Variants in INA observed in about 807,000 individuals in gnomAD.
The protein encoded by INA is internexin neuronal intermediate filament protein alpha.
Under a neutral mutation model 40.1 loss-of-function variants are expected in INA, and 35 were observed. The ratio of observed to expected loss-of-function variants is 0.87; its 90% confidence interval spans 0.67 to 1.16. The LOEUF (loss-of-function observed/expected upper bound fraction) is 1.16. Among genes scored for constraint, INA ranks in the 50% most tolerant of loss-of-function variants. The probability of loss-of-function intolerance (pLI) is 0.00; values close to 1 mark genes in which losing one functional copy is unlikely to be tolerated. For missense variants in INA, 594 were observed against 686.7 expected (o/e 0.87, Z 1.51); for synonymous variants, 290 against 316.9 (o/e 0.92, Z 0.90).
Position 103,277,654 on chromosome 10 carries a change from G to A in INA, c.443G>A (p.Arg148His). 1 of 1,390,964 alleles carries A rather than the reference G, an allele frequency of 7.2e-7. No individual in the cohort carries two copies. Among genetic ancestry groups the A allele is most frequent in the South Asian group, 1.6e-5 (1 of 62,524 alleles). The allele number at this position is 1,390,964 out of a possible 1,614,324, so 86.2% of individuals were successfully genotyped here. ...RVGELFQREL[R>H]DLRAQLEEAS... ...GGCGAGCTCTTCCAGCGCGAGCTGC[G>A]CGACCTGCGCGCGCAGCTGGAGGAG... The change falls in exon 1 of 3, where the codon CGC (arginine) becomes CAC (histidine). Residue 148 changes from arginine (R) to histidine (H), a missense_variant. Around this residue, in one of 2 missense-constraint regions of INA, gnomAD observed 379 missense variants for 496.1 expected, o/e 0.76. Transcript: ENST00000369849. This position sits in a 1 kb window ranked among gnomAD's most constrained non-coding sequence, Gnocchi z 5.6.
At chr10:103,285,250 C>T (rs145147493) in intron 1 of INA, among the ~76,000 whole-genome samples, 2,046 of 151,900 alleles carry the variant, frequency 0.013, 19 homozygotes, top group Non-Finnish European at 0.021. Flanking sequence ...TCCCAAAGTG[C>T]TGGGATTACA....
intron 1 of INA, chr10:103,280,395 TC>T (rs1425304715): frequency 2.0e-6 from 2 of 985,324 alleles, no homozygotes; most frequent in African/African-American, 3.5e-5. Flanking sequence ...CTCTGACTGT[TC>T]TAACAATCTT....
At chr10:103,279,304 G>A (rs2093067833) in intron 1 of INA, among the ~76,000 whole-genome samples, 1 of 152,138 alleles carries the variant, frequency 6.6e-6, no homozygotes, top group African/African-American at 2.4e-5. Context: ...AAGTGCATGT[G>A]ATAAGTCACA....
At chr10:103,286,546 G>A (rs1036034939) in intron 1 of INA, among the ~76,000 whole-genome samples, 1 of 152,078 alleles carries the variant, frequency 6.6e-6, no homozygotes, top group Non-Finnish European at 1.5e-5. Flanking sequence ...TGGAGGCAGA[G>A]AGGTCTTCCT....
At chr10:103,280,133 A>G in intron 1 of INA, 3 of 985,444 alleles carry the variant, frequency 3.0e-6, no homozygotes, top group Non-Finnish European at 2.4e-6. Context: ...TCATCATTAG[A>G]CAATGGTAGC....
rs1303689038 is a variant in INA at position 103,277,866 on chromosome 10, T to C, written c.655T>C (p.Ser219Pro). 6.5e-7 allele frequency: 1 copy of C among 1,547,948 alleles called. No homozygotes were observed. Among genetic ancestry groups the C allele is most frequent in the Admixed American group, 2.0e-5 (1 of 50,932 alleles). The change falls in exon 1 of 3, where the codon TCG becomes CCG. Residue 219 changes from serine to proline, a missense_variant. Around this residue, in one of 2 missense-constraint regions of INA, gnomAD observed 379 missense variants for 496.1 expected, o/e 0.76. Transcript: ENST00000369849. This position sits in a 1 kb window ranked among gnomAD's most constrained non-coding sequence, Gnocchi z 5.6. Reference protein sequence around the residue: ...ARLDLEKKVESLLDELAFVRQ... With the variant: ...ARLDLEKKVEPLLDELAFVRQ... ...CCTGGACCTGGAGAAGAAGGTGGAGTCGCTGCTGGACGAGCTGGCCTTCGT... is the reference window on the plus strand; with the variant it reads ...CCTGGACCTGGAGAAGAAGGTGGAGCCGCTGCTGGACGAGCTGGCCTTCGT...
chr10:103,287,259 G>A (rs2093088534), intron 2 of INA, 100 bp downstream of exon 2: 2 of 1,342,334 alleles, frequency 1.5e-6, no homozygotes. Flanking sequence ...ACTGGTGAGG[G>A]AGGGAAGAAG....
At position 103,278,969 on chromosome 10, in the gene INA, A is replaced by G. The variant is rs912606390; in HGVS notation, c.1065+693A>G. Among the ~76,000 whole-genome samples the G allele has an allele frequency of 4.0e-5, 6 of 150,002 alleles. No individual in the cohort carries two copies. The highest frequency in any genetic ancestry group is 1.5e-4 in the African/African-American group (6 of 40,532). Reference sequence around the variant, plus strand: ...GTCCACCAGCTGACATTTCCTCCTTAAGAAAGCGTTCGCCGGTTGGCAAAA... The same window carrying G: ...GTCCACCAGCTGACATTTCCTCCTTGAGAAAGCGTTCGCCGGTTGGCAAAA... On this transcript the variant is annotated intron_variant, in intron 1 of 2. Transcript: ENST00000369849. The surrounding 1 kb of genome is among the most constrained non-coding windows in gnomAD (Gnocchi z 4.9).
chr10:103,282,585 G>C (rs1165423105), intron 1 of INA, among the ~76,000 whole-genome samples: 1 of 152,046 alleles, frequency 6.6e-6, no homozygotes, highest in East Asian at 1.9e-4. Flanking sequence ...TAAACAGCCT[G>C]ATATACCTCG....
At chr10:103,284,617 G>A (rs112727712) in intron 1 of INA, among the ~76,000 whole-genome samples, 27 of 151,912 alleles carry the variant, frequency 1.8e-4, no homozygotes, top group African/African-American at 6.3e-4. Context: ...AGCCAGGTGT[G>A]GTGGTGCACA....
chr10:103,286,014 TTGG>T (rs1346248082), intron 1 of INA, among the ~76,000 whole-genome samples: 4 of 151,770 alleles, frequency 2.6e-5, no homozygotes, highest in Non-Finnish European at 4.4e-5. Flanking sequence ...AGCAATGAAC[TTGG>T]TATAGTTAAG....
rs78099843 is a variant in INA at position 103,278,251 on chromosome 10, A to G, written c.1040A>G (p.His347Arg). 9.3e-3 allele frequency: 14,699 copies of G among 1,573,584 alleles called. 98 individuals are homozygous for G. Among genetic ancestry groups the G allele is most frequent in the Non-Finnish European group, 0.011 (12,504 of 1,160,772 alleles). ...CAGATCCTGGAGCTGGAGGAGCGGC[A>G]CAGTGCCGAGGTAGCTGGCTACCAG... is the stretch of plus-strand genomic sequence containing the variant. Reference protein sequence around the residue: ...ERQILELEERHSAEVAGYQDS... With the variant: ...ERQILELEERRSAEVAGYQDS... Residue 347 changes from histidine (H) to arginine (R), a missense_variant, in exon 1 of 3, where the codon CAC (histidine) becomes CGC (arginine). By Grantham distance (29) the His-to-Arg change is conservative. Coordinates refer to ENST00000369849, the MANE Select transcript of INA (RefSeq NM_032727.4). This position sits in a 1 kb window ranked among gnomAD's most constrained non-coding sequence, Gnocchi z 4.9.
chr10:103,284,393 A>G (rs1021161247), intron 1 of INA, among the ~76,000 whole-genome samples: 5 of 152,236 alleles, frequency 3.3e-5, no homozygotes, highest in South Asian at 2.1e-4. Flanking sequence ...AGCCTAAAAC[A>G]TCAACACTGC....
intron 1 of INA, among the ~76,000 whole-genome samples, chr10:103,279,224 CACTT>C (rs1318147833): frequency 3.9e-5 from 6 of 152,126 alleles, no homozygotes; most frequent in Non-Finnish European, 7.4e-5. Flanking sequence ...AAACAAAAAA[CACTT>C]AATTTGCTCA....
chr10:103,280,283 G>T, intron 1 of INA: 1 of 985,416 alleles, frequency 1.0e-6, no homozygotes, highest in Non-Finnish European at 1.2e-6. Flanking sequence ...GGAAGAGGAG[G>T]TCAGACAACA....
rs1554858877 is a variant in INA, at chr10:103,278,379, A to C, written c.1065+103A>C. 1.0e-6 allele frequency: 1 copy of C among 967,640 alleles called. No individual in the cohort carries two copies. The highest frequency in any genetic ancestry group is 1.5e-6 in the Non-Finnish European group (1 of 671,868). The allele number at this position is 967,640 out of a possible 1,614,324, so 59.9% of individuals were successfully genotyped here. A position where few individuals can be genotyped will look rare whatever the true frequency, so the allele number is the denominator to read the frequency against. ...CCCCAGGACTTAAGGGGAGGGCAAA[A>C]GAGAGGAGAGAAGAGCCGCGGCTGG... On this transcript the variant is annotated intron_variant, in intron 1 of 2. Transcript: ENST00000369849. This position sits in a 1 kb window ranked among gnomAD's most constrained non-coding sequence, Gnocchi z 4.9.
At position 103,277,606 on chromosome 10, in the gene INA, G is replaced by A. The variant is rs760045277; in HGVS notation, c.395G>A (p.Arg132His). 4 of 1,525,610 alleles carry A rather than the reference G, an allele frequency of 2.6e-6. No homozygotes were observed. The highest frequency in any genetic ancestry group is 3.5e-6 in the Non-Finnish European group (4 of 1,143,598). 94.5% of individuals were successfully genotyped at this position (1,525,610 alleles called of 1,614,324 possible). A position where few individuals can be genotyped will look rare whatever the true frequency, so the allele number is the denominator to read the frequency against. The change falls in exon 1 of 3, where the codon CGC (arginine) becomes CAC (histidine). Residue 132 changes from arginine (R) to histidine (H), a missense_variant. This residue lies in a region of INA where 215 missense variants were observed against 190.6 expected (regional missense o/e 1.13). Coordinates refer to ENST00000369849, the MANE Select transcript of INA (RefSeq NM_032727.4). The surrounding 1 kb of genome is among the most constrained non-coding windows in gnomAD (Gnocchi z 5.6). ...GCCGAGCTGGCCGCGCTGCGACAGC[G>A]CCACGCTGAGCCGTCGCGCGTCGGC... Reference protein sequence around the residue: ...LEAELAALRQRHAEPSRVGEL... With the variant: ...LEAELAALRQHHAEPSRVGEL...
chr10:103,282,547 C>T (rs1381781678), intron 1 of INA, among the ~76,000 whole-genome samples: 2 of 152,076 alleles, frequency 1.3e-5, no homozygotes, highest in African/African-American at 2.4e-5. Context: ...ATCCAAACAC[C>T]GCACTTTGGG....
intron 1 of INA, among the ~76,000 whole-genome samples, chr10:103,284,295 G>A (rs1466495527): frequency 1.3e-5 from 2 of 152,046 alleles, no homozygotes; most frequent in Non-Finnish European, 2.9e-5. Context: ...TCTTGTTATC[G>A]CAACTGGGAG....
Sources: gnomAD v4.1 joint callset for allele counts (sites outside exome capture counted in the v4.1 genomes callset) on GRCh38, gnomAD v4.1.1 for gene constraint, gnomAD v4.1.1 regional missense constraint, Gnocchi (gnomAD v3.1) non-coding constraint, MANE v1.5 for transcripts, NCBI Gene and HGNC (gene_info 2026-07-23, HGNC 2026-07-21) for gene names.